ZNF407: variants seen among roughly 807,000 people sequenced by gnomAD.
ZNF407 encodes zinc finger protein 407.
Under a neutral mutation model 131.2 loss-of-function variants are expected in ZNF407, and 17 were observed. The observed-to-expected ratio is 0.13, with a 90% CI of 0.09 to 0.19. The LOEUF (loss-of-function observed/expected upper bound fraction) is 0.19. ZNF407 is among the 10% of genes least tolerant of loss of function. ZNF407 has a pLI of 1.00. For synonymous variants in ZNF407, 1,156 were observed against 1,062.0 expected (o/e 1.09, Z -1.72); for missense variants, 2,681 against 2,830.6 (o/e 0.95, Z 1.20).
chr18:74,997,936 G>A (rs1972798663), intron 8 of ZNF407, among the ~76,000 whole-genome samples: 1 of 152,080 alleles, frequency 6.6e-6, no homozygotes, highest in Admixed American at 6.5e-5. Flanking sequence ...CTTGTTTTCT[G>A]CAATCCTGAT....
intron 8 of ZNF407, among the ~76,000 whole-genome samples, chr18:74,929,179 T>G (rs1971951587): frequency 1.3e-5 from 2 of 152,096 alleles, no homozygotes; most frequent in South Asian, 4.1e-4. Context: ...AGAAAAAAAC[T>G]ATATTCTCCC....
At chr18:74,628,173 A>G (rs1021005829) in intron 1 of ZNF407, among the ~76,000 whole-genome samples, 3 of 152,176 alleles carry the variant, frequency 2.0e-5, no homozygotes, top group African/African-American at 4.8e-5. Context: ...TGTCTTATAA[A>G]TGCAATAAAA....
At chr18:74,724,678 T>C (rs1968116195) in intron 3 of ZNF407, among the ~76,000 whole-genome samples, 1 of 152,216 alleles carries the variant, frequency 6.6e-6, no homozygotes, top group South Asian at 2.1e-4. Flanking sequence ...TCTTGGTAGA[T>C]AGTTTTATGG....
intron 8 of ZNF407, among the ~76,000 whole-genome samples, chr18:74,934,741 G>A (rs977422038): frequency 3.9e-5 from 6 of 152,208 alleles, no homozygotes; most frequent in African/African-American, 1.4e-4. Flanking sequence ...GGGAGGTGGA[G>A]GTTGCAGTGA....
chr18:74,631,546 G>T lies in ZNF407; in HGVS notation c.527G>T (p.Ser176Ile), dbSNP rs746065939. ...TTCCCCCCGAAAGAAATTAGTGTTA[G>T]TTGTACCATTGGGAATGTAGATACA... is the stretch of plus-strand genomic sequence containing the variant. Reference protein sequence around the residue: ...SPFPPKEISVSCTIGNVDTVL... With the variant: ...SPFPPKEISVICTIGNVDTVL... Residue 176 changes from serine to isoleucine, a missense_variant, in exon 2 of 9, where the codon AGT (serine) becomes ATT (isoleucine). Ser to Ile is a moderately radical substitution (Grantham distance 142). Coordinates refer to ENST00000299687, the MANE Select transcript of ZNF407 (RefSeq NM_017757.3). 6.2e-7 allele frequency: 1 copy of T among 1,613,670 alleles called. No individual in the cohort carries two copies. The highest frequency in any genetic ancestry group is 8.5e-7 in the Non-Finnish European group (1 of 1,179,906).
chr18:74,966,544 C>T (rs1972412098), intron 8 of ZNF407, among the ~76,000 whole-genome samples: 1 of 152,094 alleles, frequency 6.6e-6, no homozygotes, highest in Admixed American at 6.5e-5. Flanking sequence ...TATGCCAATA[C>T]CATGCTGTTT....
chr18:74,690,432 T>G (rs1392166276), intron 3 of ZNF407, among the ~76,000 whole-genome samples: 1 of 129,186 alleles, frequency 7.7e-6, no homozygotes, highest in Non-Finnish European at 1.8e-5. Flanking sequence ...CTGGATTAGT[T>G]TTTTTTTGTT....
At chr18:74,636,346 T>A (rs902141588) in intron 2 of ZNF407, among the ~76,000 whole-genome samples, 1 of 150,734 alleles carries the variant, frequency 6.6e-6, no homozygotes, top group Non-Finnish European at 1.5e-5. Flanking sequence ...TAAAAAAACA[T>A]TTTTTTTTGG....
chr18:74,757,947 G>A (rs988456351), intron 3 of ZNF407, among the ~76,000 whole-genome samples: 1 of 151,984 alleles, frequency 6.6e-6, no homozygotes, highest in Admixed American at 6.5e-5. Flanking sequence ...GAATATAGCC[G>A]CTGCGGCTTT....
chr18:75,040,581 TAATC>T (rs1387807029), intron 8 of ZNF407, among the ~76,000 whole-genome samples: 2 of 152,190 alleles, frequency 1.3e-5, no homozygotes, highest in Admixed American at 6.5e-5. Context: ...AGCCGCAACA[TAATC>T]AAACCATTAG....
At chr18:74,824,665 A>G (rs1343518672) in intron 4 of ZNF407, among the ~76,000 whole-genome samples, 1 of 152,238 alleles carries the variant, frequency 6.6e-6, no homozygotes, top group Non-Finnish European at 1.5e-5. Context: ...TAAACCAGGA[A>G]GAAGTCAAAT....
At chr18:74,931,495 C>T (rs934561160) in intron 8 of ZNF407, among the ~76,000 whole-genome samples, 15 of 152,118 alleles carry the variant, frequency 9.9e-5, no homozygotes, top group African/African-American at 2.7e-4. Flanking sequence ...CAAATAAAAA[C>T]CACAGTGAAA....
At chr18:74,640,213 T>C (rs1006175158) in intron 2 of ZNF407, among the ~76,000 whole-genome samples, 6 of 152,162 alleles carry the variant, frequency 3.9e-5, no homozygotes, top group African/African-American at 1.4e-4. Context: ...AGTTTCAATC[T>C]TATCTATTAC....
chr18:75,064,150 G>A lies in ZNF407; in HGVS notation c.6429G>A (p.Ser2143=), dbSNP rs774890053. Residue 2143 remains serine (S), a synonymous_variant, in exon 9 of 9, where the codon TCG becomes TCA. Coordinates refer to ENST00000299687, the MANE Select transcript of ZNF407 (RefSeq NM_017757.3). ...TGGTGGAGTCCGACGGGGAGATCTCGCAGATCATCGTGACGGAGGAGCTGG... is the reference window on the plus strand; with the variant it reads ...TGGTGGAGTCCGACGGGGAGATCTCACAGATCATCGTGACGGAGGAGCTGG... ...MDLVESDGEI[S]QIIVTEELVQ... 9.5e-5 allele frequency: 153 copies of A among 1,603,594 alleles called. 2 individuals are homozygous for A. In the South Asian group the frequency reaches 1.5e-3, roughly 15 times the overall value.
intron 4 of ZNF407, among the ~76,000 whole-genome samples, chr18:74,797,806 G>A (rs992324594): frequency 4.0e-5 from 6 of 151,430 alleles, no homozygotes; most frequent in Non-Finnish European, 7.4e-5. Flanking sequence ...TTAATTAGCT[G>A]CAAGGCATTT....
At chr18:74,875,078 G>A (rs1027395400) in intron 4 of ZNF407, among the ~76,000 whole-genome samples, 1 of 152,292 alleles carries the variant, frequency 6.6e-6, no homozygotes, top group Admixed American at 6.5e-5. Flanking sequence ...GTTGCTGTGT[G>A]AAGGCAAATA....
At chr18:74,764,999 CAG>C (rs1969196059) in intron 3 of ZNF407, among the ~76,000 whole-genome samples, 1 of 152,080 alleles carries the variant, frequency 6.6e-6, no homozygotes, top group African/African-American at 2.4e-5. Context: ...CTTCCTGTCT[CAG>C]GGGTGGCAGA....
intron 3 of ZNF407, among the ~76,000 whole-genome samples, chr18:74,724,557 C>G (rs1487326149): frequency 2.0e-5 from 3 of 152,104 alleles, no homozygotes; most frequent in Non-Finnish European, 2.9e-5. Flanking sequence ...TTCTCTCTCT[C>G]TCTCTCTCAT....
At chr18:74,791,975 G>A (rs1568217672) in intron 4 of ZNF407, among the ~76,000 whole-genome samples, 1 of 152,102 alleles carries the variant, frequency 6.6e-6, no homozygotes. Flanking sequence ...ATTGCACGTC[G>A]CATAGTTTTA....
Sources: gnomAD v4.1 joint callset for allele counts (sites outside exome capture counted in the v4.1 genomes callset) on GRCh38, gnomAD v4.1.1 for gene constraint, MANE v1.5 for transcripts, NCBI Gene and HGNC (gene_info 2026-07-23, HGNC 2026-07-21) for gene names.